Variants in GALNT2 observed in about 807,000 individuals in gnomAD.
The protein encoded by GALNT2 is UDP-GalNAc:polypeptide N-acetylgalactosaminyltransferase 2.
A neutral mutation model predicts 81.4 loss-of-function variants in GALNT2; 31 were observed. The observed-to-expected ratio is 0.38, with a 90% CI of 0.29 to 0.51. The LOEUF (loss-of-function observed/expected upper bound fraction) is 0.51. GALNT2 is among the 20% of genes least tolerant of loss of function. The pLI is 0.87. For missense variants in GALNT2, 629 were observed against 765.7 expected (o/e 0.82, Z 2.11); for synonymous variants, 303 against 287.4 (o/e 1.05, Z -0.55).
intron 3 of GALNT2, among the ~76,000 whole-genome samples, chr1:230,222,031 CTT>C (rs564681409): frequency 5.2e-5 from 5 of 96,074 alleles, no homozygotes; most frequent in Non-Finnish European, 7.5e-5. Flanking sequence ...CTGCTTTTCT[CTT>C]TTTTTTTTTT....
intron 1 of GALNT2, among the ~76,000 whole-genome samples, chr1:230,111,942 T>G (rs899085618): frequency 6.6e-5 from 10 of 152,004 alleles, no homozygotes; most frequent in Non-Finnish European, 1.2e-4. Context: ...ACATATCCCC[T>G]TGTTAAAGAT....
intron 2 of GALNT2, among the ~76,000 whole-genome samples, chr1:230,179,777 G>T (rs757417149): frequency 1.4e-4 from 22 of 152,204 alleles, no homozygotes; most frequent in Non-Finnish European, 2.2e-4. Context: ...TGTCCTAGAA[G>T]ATTTTAATTG....
chr1:230,123,044 C>A (rs1661070105), intron 1 of GALNT2, among the ~76,000 whole-genome samples: 1 of 152,320 alleles, frequency 6.6e-6, no homozygotes, highest in South Asian at 2.1e-4. Flanking sequence ...CTAATCAGAA[C>A]AAGTGTATTC....
intron 11 of GALNT2, chr1:230,262,314 C>T (rs1005090608): frequency 4.4e-6 from 2 of 450,304 alleles, no homozygotes; most frequent in Non-Finnish European, 3.9e-6. Context: ...TTCCACTTTG[C>T]CTTTTGCCCT....
intron 1 of GALNT2, among the ~76,000 whole-genome samples, chr1:230,097,806 T>C (rs1236409115): frequency 6.6e-6 from 1 of 152,230 alleles, no homozygotes; most frequent in Admixed American, 6.5e-5. Context: ...TGGAGAATTA[T>C]GGTAACACGC....
intron 15 of GALNT2, among the ~76,000 whole-genome samples, chr1:230,276,180 T>C (rs898934334): frequency 3.3e-5 from 5 of 151,886 alleles, no homozygotes; most frequent in Admixed American, 6.6e-5. Flanking sequence ...CACACACACA[T>C]ATACACACAG....
At chr1:230,178,134 C>A in intron 1 of GALNT2, 84 bp from the exon 2 acceptor site, 1 of 1,107,098 alleles carries the variant, frequency 9.0e-7, no homozygotes, top group Non-Finnish European at 1.3e-6. Flanking sequence ...TGTTAACTCT[C>A]CTAAGACTCG....
At chr1:230,189,297 G>A (rs1663441127) in intron 2 of GALNT2, among the ~76,000 whole-genome samples, 1 of 152,142 alleles carries the variant, frequency 6.6e-6, no homozygotes, top group African/African-American at 2.4e-5. Flanking sequence ...CCCCATCCTG[G>A]TCCTGGGCTG....
Position 230,156,834 on chromosome 1 carries a change from G to A in GALNT2, c.127-21384G>A, listed in dbSNP as rs1662272793. The stretch of plus-strand genomic sequence containing the variant: ...CTAAAATGTGAAGATGAAATGTTGG[G>A]GAGACAGATCCTCTGGCCTGAGGAA... On this transcript the variant is annotated intron_variant, in intron 1 of 15. Coordinates refer to ENST00000366672, the MANE Select transcript of GALNT2 (RefSeq NM_004481.5). Among the ~76,000 whole-genome samples, 5 of 152,162 alleles carry A rather than the reference G, an allele frequency of 3.3e-5. No individual in the cohort carries two copies. In the South Asian group the frequency reaches 8.3e-4, roughly 25 times the overall value.
At chr1:230,077,720 A>G (rs1659606616) in intron 1 of GALNT2, among the ~76,000 whole-genome samples, 1 of 152,178 alleles carries the variant, frequency 6.6e-6, no homozygotes, top group South Asian at 2.1e-4. Flanking sequence ...CCACTGTGCC[A>G]CCAAAAGCGC....
intron 1 of GALNT2, among the ~76,000 whole-genome samples, chr1:230,085,599 A>G (rs1274813949): frequency 6.6e-6 from 1 of 152,082 alleles, no homozygotes; most frequent in African/African-American, 2.4e-5. Flanking sequence ...TCCCTGTAGG[A>G]GTTCATTAGG....
At position 230,257,502 on chromosome 1, in the gene GALNT2, C is replaced by G. The variant is rs192138662; in HGVS notation, c.1136+2158C>G. 6.6e-6 allele frequency among the ~76,000 whole-genome samples: 1 copy of G among 152,262 alleles called. No homozygotes were observed. Among genetic ancestry groups the G allele is most frequent in the East Asian group, 1.9e-4 (1 of 5,178 alleles). ...TTGTGTTACAGTTTCCTCCAGTGTT[C>G]AGGACAGTCATGTGCTCTACACGTT... is the stretch of plus-strand genomic sequence containing the variant. On this transcript the variant is annotated intron_variant, in intron 11 of 15. Transcript: ENST00000366672. The surrounding 1 kb of genome is among the most constrained non-coding windows in gnomAD (Gnocchi z 4.6).
chr1:230,067,532 T>A, intron 1 of GALNT2, 126 bp downstream of exon 1: 3 of 299,712 alleles, frequency 1.0e-5, no homozygotes, highest in East Asian at 6.8e-5. Flanking sequence ...TCGCCCGCCC[T>A]CGTCCCGGGC....
intron 11 of GALNT2, among the ~76,000 whole-genome samples, chr1:230,256,140 C>T (rs1665706910): frequency 1.3e-5 from 2 of 152,276 alleles, no homozygotes; most frequent in South Asian, 4.1e-4. Context: ...AAGGTCACCT[C>T]TTAAAGGCCT....
In GALNT2 at chr1:230,075,382, A is replaced by G. The variant is rs190725809; in HGVS notation, c.126+7976A>G. On this transcript the variant is annotated intron_variant, in intron 1 of 15. Transcript: ENST00000366672. ...GTGATCCACCCACCTCGGCCTCCCA[A>G]AGTGCTGGGATTACAGGCGTGAGCC... Among the ~76,000 whole-genome samples, 717 of 152,000 alleles carry G rather than the reference A, an allele frequency of 4.7e-3. 8 individuals are homozygous for G. The highest frequency in any genetic ancestry group is 0.017 in the African/African-American group (687 of 41,486).
At chr1:230,150,448 A>G (rs772143477) in intron 1 of GALNT2, among the ~76,000 whole-genome samples, 4 of 152,240 alleles carry the variant, frequency 2.6e-5, no homozygotes, top group Non-Finnish European at 2.9e-5. Flanking sequence ...TTAAAAAGAC[A>G]TAGTACAACA....
chr1:230,156,228 AGAGAAAGAGAGAGAGAGT>A (rs1662249780), intron 1 of GALNT2, among the ~76,000 whole-genome samples: 1 of 142,882 alleles, frequency 7.0e-6, no homozygotes, highest in Non-Finnish European at 1.6e-5. Flanking sequence ...AGAGAGAGAG[AGAGAAAGAGAGAGAGAGT>A]GTGTGTGTGT....
intron 1 of GALNT2, among the ~76,000 whole-genome samples, chr1:230,175,552 C>T (rs1451017872): frequency 7.6e-6 from 1 of 131,338 alleles, no homozygotes. Context: ...TCCTCCCCTC[C>T]CCCTCCTTCC....
chr1:230,125,920 T>C (rs1316281233), intron 1 of GALNT2, among the ~76,000 whole-genome samples: 1 of 152,254 alleles, frequency 6.6e-6, no homozygotes, highest in Non-Finnish European at 1.5e-5. Context: ...TTTTCCTCTC[T>C]TCATTCCATG....
Sources: gnomAD v4.1 joint callset for allele counts (sites outside exome capture counted in the v4.1 genomes callset) on GRCh38, gnomAD v4.1.1 for gene constraint, Gnocchi (gnomAD v3.1) non-coding constraint, MANE v1.5 for transcripts, NCBI Gene and HGNC (gene_info 2026-07-23, HGNC 2026-07-21) for gene names.